The following GPLD1 variants were observed in gnomAD, a reference collection of about 807,000 sequenced individuals.
GPLD1 encodes phosphatidylinositol-glycan-specific phospholipase D.
A neutral mutation model predicts 112.6 loss-of-function variants in GPLD1; 84 were observed. The observed-to-expected ratio is 0.75, with a 90% confidence interval of 0.63 to 0.89. GPLD1 has a LOEUF of 0.89. Ranked by LOEUF, GPLD1 falls within the 40% of genes least tolerant of loss-of-function variation. The pLI is 0.00. For missense variants in GPLD1, 1,044 were observed against 1,051.5 expected (o/e 0.99, Z 0.10); for synonymous variants, 386 against 403.8 (o/e 0.96, Z 0.53).
At chr6:24,463,746 T>C (rs980341738) in intron 10 of GPLD1, among the ~76,000 whole-genome samples, 2 of 152,248 alleles carry the variant, frequency 1.3e-5, no homozygotes, top group African/African-American at 4.8e-5. Flanking sequence ...GTTAGTAAGC[T>C]GGGAAATGCC....
rs1762264892 is a variant in GPLD1, at chr6:24,427,201, A to G, written c.*1831T>C. Among the ~76,000 whole-genome samples, 1 of 152,218 alleles carries G rather than the reference A, an allele frequency of 6.6e-6. No homozygotes were observed. Among genetic ancestry groups the G allele is most frequent in the Admixed American group, 6.5e-5 (1 of 15,286 alleles). On this transcript the variant is annotated 3_prime_UTR_variant, in exon 25 of 25. Transcript: ENST00000230036. The stretch of plus-strand genomic sequence containing the variant: ...TGTTTACTGAAACTGAAACCCTATG[A>G]TACATTCCATTCCCTTAAGTGTGCC...
chr6:24,472,187 A>ATGCTCAT (rs1763847709), intron 7 of GPLD1, among the ~76,000 whole-genome samples: 1 of 152,224 alleles, frequency 6.6e-6, no homozygotes, highest in Admixed American at 6.5e-5. Context: ...AAAATAGAAG[A>ATGCTCAT]AAAGTGTAAC....
At chr6:24,488,663 C>T (rs1764463222) in intron 1 of GPLD1, among the ~76,000 whole-genome samples, 1 of 152,144 alleles carries the variant, frequency 6.6e-6, no homozygotes, top group Non-Finnish European at 1.5e-5. Context: ...CTTGATTGTG[C>T]TAATCATTTC....
intron 2 of GPLD1, among the ~76,000 whole-genome samples, chr6:24,483,976 T>C (rs1764287303): frequency 6.6e-6 from 1 of 152,098 alleles, no homozygotes; most frequent in South Asian, 2.1e-4. Context: ...AGCGCAGCAG[T>C]GCGATCTCCG....
chr6:24,476,464 G>A (rs944211362), intron 3 of GPLD1, among the ~76,000 whole-genome samples, 186 bp from the exon 4 acceptor site: 9 of 152,086 alleles, frequency 5.9e-5, no homozygotes, highest in Admixed American at 4.6e-4. Context: ...TTTGGAATAC[G>A]CGTGGTACTG....
At position 24,428,952 on chromosome 6, in the gene GPLD1, A is replaced by T. The variant is rs1052756334; in HGVS notation, c.*80T>A. On this transcript the variant is annotated 3_prime_UTR_variant, in exon 25 of 25. Coordinates refer to ENST00000230036, the MANE Select transcript of GPLD1 (RefSeq NM_001503.4). ...CTACCACCGCTCCACTGGATGTGCC[A>T]CTTTGTCCATCAAAATGCTCACCAT... The T allele has an allele frequency of 4.2e-6, 4 of 953,546 alleles. No homozygotes were observed. The highest frequency in any genetic ancestry group is 2.5e-5 in the East Asian group (1 of 39,420). 59.1% of individuals were successfully genotyped at this position (953,546 alleles called of 1,614,324 possible).
chr6:24,470,726 G>A (rs572396303), intron 7 of GPLD1, among the ~76,000 whole-genome samples: 3 of 152,108 alleles, frequency 2.0e-5, no homozygotes, highest in South Asian at 2.1e-4. Context: ...AGCCTCCCAA[G>A]TTGCTGGGAT....
rs570005583 is a variant in GPLD1, at chr6:24,466,255, G to A, written c.821+425C>T. Among the ~76,000 whole-genome samples the A allele has an allele frequency of 3.9e-5, 6 of 152,376 alleles. No individual in the cohort carries two copies. In the East Asian group the frequency reaches 9.6e-4, roughly 24 times the overall value. ...CCAGCTGATTGGGAGGCTGAGGCAC[G>A]AGACTCCCTTGAACCCAGGAGGCAG... On this transcript the variant is annotated intron_variant, in intron 10 of 24. Transcript: ENST00000230036.
Position 24,427,827 on chromosome 6 carries a change from CAG to C in GPLD1, c.*1203_*1204del, listed in dbSNP as rs1345108500. ...CATCACTGCACTCCAGCCTGGGCAA[CAG>C]AGCAAGACTCCGTCTCAAAAAAAAA... On this transcript the variant is annotated 3_prime_UTR_variant, in exon 25 of 25. Transcript: ENST00000230036. Among the ~76,000 whole-genome samples the C allele has an allele frequency of 7.1e-5, 8 of 113,350 alleles. No homozygotes were observed. Among genetic ancestry groups the C allele is most frequent in the Non-Finnish European group, 1.2e-4 (7 of 60,650 alleles). The allele number at this position is 113,350 out of a possible 152,430, so 74.4% of individuals were successfully genotyped here.
At position 24,460,140 on chromosome 6, in the gene GPLD1, C is replaced by CT. The variant is rs1048412673; in HGVS notation, c.1008+138dup. The CT allele has an allele frequency of 6.2e-5, 57 of 921,938 alleles. 1 individual carries two copies. In the Admixed American group the frequency reaches 1.2e-3, roughly 19 times the overall value. The allele number at this position is 921,938 out of a possible 1,614,324, so 57.1% of individuals were successfully genotyped here. A position where few individuals can be genotyped will look rare whatever the true frequency, so the allele number is the denominator to read the frequency against. ...CTCAAACTCCTGGACTCAAGGGATC[C>CT]TCTCAACTCAGCCTCCCAGCCACCA... On this transcript the variant is annotated intron_variant, in intron 12 of 24. Transcript: ENST00000230036.
intron 20 of GPLD1, among the ~76,000 whole-genome samples, chr6:24,438,502 T>C (rs1331253035): frequency 1.3e-5 from 2 of 152,220 alleles, no homozygotes; most frequent in African/African-American, 4.8e-5. Context: ...TGACCTGTTT[T>C]TTCGGACAAA....
intron 3 of GPLD1, among the ~76,000 whole-genome samples, chr6:24,478,831 A>G (rs777268701): frequency 2.1e-4 from 32 of 151,992 alleles, no homozygotes; most frequent in Non-Finnish European, 3.8e-4. Flanking sequence ...CCTCCTGTCC[A>G]TATCTTTGAA....
At position 24,456,755 on chromosome 6, in the gene GPLD1, C is replaced by T. The variant is rs1763281666; in HGVS notation, c.1009-118G>A. On this transcript the variant is annotated intron_variant, in intron 12 of 24. Transcript: ENST00000230036. ...GAAATGAGTTTTTAGAAGTGCTAAA[C>T]AATAAAATAAAACATTAGGTCCTAT... The T allele has an allele frequency of 9.5e-6, 6 of 630,482 alleles. No homozygotes were observed. The South Asian group carries it at 1.5e-4, about 16-fold the overall frequency. 39.1% of individuals were successfully genotyped at this position (630,482 alleles called of 1,614,324 possible). A position where few individuals can be genotyped will look rare whatever the true frequency, so the allele number is the denominator to read the frequency against.
intron 10 of GPLD1, among the ~76,000 whole-genome samples, chr6:24,463,269 A>C (rs2793444): frequency 2.0e-5 from 3 of 152,062 alleles, no homozygotes; most frequent in Admixed American, 6.6e-5. Flanking sequence ...CTCTGAGAAC[A>C]TAAGAGATAA....
At chr6:24,447,752 G>C (rs1762957401) in intron 17 of GPLD1, 125 bp downstream of exon 17, 1 of 880,558 alleles carries the variant, frequency 1.1e-6, no homozygotes, top group Non-Finnish European at 1.7e-6. Context: ...AAGAGTAACA[G>C]ACTGTTAGAA....
At chr6:24,465,798 C>G (rs572567064) in intron 10 of GPLD1, among the ~76,000 whole-genome samples, 15 of 152,316 alleles carry the variant, frequency 9.8e-5, no homozygotes, top group African/African-American at 3.6e-4. Context: ...CCCATCTGGG[C>G]TAGATGTCAA....
intron 4 of GPLD1, among the ~76,000 whole-genome samples, chr6:24,475,539 C>CAAA (rs5874985): frequency 1.7e-5 from 2 of 120,790 alleles, no homozygotes; most frequent in African/African-American, 3.3e-5. Context: ...GACTCTGTCT[C>CAAA]AAAAAAAAAA....
At chr6:24,494,512 G>A (rs2127378265), upstream of GPLD1, among the ~76,000 whole-genome samples, 1 of 152,300 alleles carries the variant, frequency 6.6e-6, no homozygotes, top group South Asian at 2.1e-4. Flanking sequence ...TACAACTGAA[G>A]AAGCGTGATC....
intron 14 of GPLD1, among the ~76,000 whole-genome samples, chr6:24,453,366 T>C (rs1422644225): frequency 1.3e-5 from 2 of 152,244 alleles, no homozygotes; most frequent in Non-Finnish European, 2.9e-5. Flanking sequence ...ACGGATGCAG[T>C]GGCTCACGCC....
Sources: allele counts gnomAD v4.1 joint callset (sites outside exome capture counted in the v4.1 genomes callset), GRCh38; gene constraint gnomAD v4.1.1; transcripts MANE v1.5; gene names NCBI Gene and HGNC (gene_info 2026-07-23, HGNC 2026-07-21).